The following DMRT1 variants were observed in gnomAD, a reference collection of about 807,000 sequenced individuals.
DMRT1 encodes the protein doublesex and mab-3 related transcription factor 1, also known as doublesex- and mab-3-related transcription factor 1.
DMRT1 carries 7 observed loss-of-function variants against 32.3 expected under a neutral mutation model. The observed-to-expected ratio is 0.22, with a 90% CI of 0.12 to 0.41. The LOEUF is 0.41. Among genes scored for constraint, DMRT1 ranks in the 10% least tolerant of loss-of-function variants. The pLI is 1.00. For missense variants in DMRT1, 625 were observed against 500.5 expected (o/e 1.25, Z -2.37); for synonymous variants, 278 against 206.1 (o/e 1.35, Z -2.99).
At chr9:931,729 A>AC (rs1818732937) in intron 4 of DMRT1, among the ~76,000 whole-genome samples, 1 of 152,178 alleles carries the variant, frequency 6.6e-6, no homozygotes, top group African/African-American at 2.4e-5. Context: ...TTAAAAGGAC[A>AC]CTAGTCTTAG....
chr9:843,570 T>C (rs1838783022), intron 1 of DMRT1, among the ~76,000 whole-genome samples: 1 of 152,234 alleles, frequency 6.6e-6, no homozygotes, highest in Admixed American at 6.5e-5. Flanking sequence ...GTAAGTAGGC[T>C]GGTAATTTAA....
chr9:869,634 C>T (rs1311878492), intron 2 of DMRT1, among the ~76,000 whole-genome samples: 2 of 152,162 alleles, frequency 1.3e-5, no homozygotes, highest in African/African-American at 2.4e-5. Context: ...CTCTTGTTCT[C>T]TTTGATCTTT....
In DMRT1 at chr9:914,885, A is replaced by G. The variant is rs186451724; in HGVS notation, c.823-1878A>G. On this transcript the variant is annotated intron_variant, in intron 3 of 4. Transcript: ENST00000382276. ...GACTTAGCTCTTTCTACCAAACAGCACCATAATACCCAAAGTACACTTAAG... is the reference window on the plus strand; with the variant it reads ...GACTTAGCTCTTTCTACCAAACAGCGCCATAATACCCAAAGTACACTTAAG... Among the ~76,000 whole-genome samples the G allele has an allele frequency of 1.4e-3, 211 of 152,330 alleles. 1 individual carries two copies. The highest frequency in any genetic ancestry group is 5.0e-3 in the African/African-American group (207 of 41,582).
intron 2 of DMRT1, among the ~76,000 whole-genome samples, chr9:873,703 T>A (rs1457506039): frequency 2.0e-5 from 3 of 152,150 alleles, no homozygotes; most frequent in African/African-American, 4.8e-5. Flanking sequence ...AGCTAGGCAG[T>A]GGCAAAGGTG....
Position 894,043 on chromosome 9 carries a change from A to G in DMRT1, c.670A>G (p.Asn224Asp). 4 of 1,614,230 alleles carry G rather than the reference A, an allele frequency of 2.5e-6. No individual in the cohort carries two copies. Among genetic ancestry groups the G allele is most frequent in the East Asian group, 4.5e-5 (2 of 44,888 alleles). ...GCCGTCTCTGTTTCCTTATTACAAC[A>G]ATCTATACAACTGCCCGCAGTACTC... ...YQPSLFPYYN[N>D]LYNCPQYSMA... is the part of the protein sequence containing the mutation. The change falls in exon 3 of 5, where the codon AAT becomes GAT. Residue 224 changes from asparagine (N) to aspartate (D), a missense_variant. By Grantham distance (23) the Asn-to-Asp change is conservative. Coordinates refer to ENST00000382276, the MANE Select transcript of DMRT1 (RefSeq NM_021951.3).
chr9:845,587 G>T (rs1337333144), intron 1 of DMRT1, among the ~76,000 whole-genome samples: 2 of 152,144 alleles, frequency 1.3e-5, no homozygotes, highest in African/African-American at 4.8e-5. Context: ...CCAGTCCCCA[G>T]TTCTGGCTCT....
chr9:932,407 C>T (rs1818754861), intron 4 of DMRT1, among the ~76,000 whole-genome samples: 1 of 152,188 alleles, frequency 6.6e-6, no homozygotes, highest in African/African-American at 2.4e-5. Context: ...GCAATGGTAA[C>T]TTCAGAGTGA....
At position 965,961 on chromosome 9, in the gene DMRT1, A is replaced by G. The variant is rs533775500; in HGVS notation, c.968-2024A>G. Among the ~76,000 whole-genome samples, 9 of 152,232 alleles carry G rather than the reference A, an allele frequency of 5.9e-5. No homozygotes were observed. In the South Asian group the frequency reaches 1.9e-3, roughly 32 times the overall value. ...TGTGGCATACAGGTAGTAGTCAGTA[A>G]TGTTTACTGTTCTTCTCCATAGCTT... On this transcript the variant is annotated intron_variant, in intron 4 of 4. Coordinates refer to ENST00000382276, the MANE Select transcript of DMRT1 (RefSeq NM_021951.3). The surrounding 1 kb of genome is among the most constrained non-coding windows in gnomAD (Gnocchi z 4.5).
chr9:912,061 C>T (rs747016321), intron 3 of DMRT1, among the ~76,000 whole-genome samples: 10 of 152,128 alleles, frequency 6.6e-5, no homozygotes, highest in Non-Finnish European at 1.0e-4. Context: ...GCTGGGGAGG[C>T]GTCAGGAAAC....
At chr9:870,690 A>G (rs1346608012) in intron 2 of DMRT1, among the ~76,000 whole-genome samples, 1 of 113,944 alleles carries the variant, frequency 8.8e-6, no homozygotes, top group African/African-American at 3.8e-5. Flanking sequence ...TTAGGTTCCC[A>G]TATTTCTCAT....
At chr9:947,271 T>C (rs1048705326) in intron 4 of DMRT1, among the ~76,000 whole-genome samples, 2 of 152,226 alleles carry the variant, frequency 1.3e-5, no homozygotes, top group Non-Finnish European at 2.9e-5. Flanking sequence ...GGATTTTTTT[T>C]AAAGCTCATC....
chr9:878,768 T>C (rs1296073166), intron 2 of DMRT1, among the ~76,000 whole-genome samples: 1 of 152,240 alleles, frequency 6.6e-6, no homozygotes, highest in East Asian at 1.9e-4. Context: ...CTAACATTTA[T>C]TGAGCACTCA....
At position 909,385 on chromosome 9, in the gene DMRT1, C is replaced by G. The variant is rs184300685; in HGVS notation, c.823-7378C>G. On this transcript the variant is annotated intron_variant, in intron 3 of 4. Coordinates refer to ENST00000382276, the MANE Select transcript of DMRT1 (RefSeq NM_021951.3). ...TAAGGTGTGTATTTCAGAAGGTGAA[C>G]GGGGCTTTTTGGGTGAAGCCCTTTG... is the stretch of plus-strand genomic sequence containing the variant. 1.4e-3 allele frequency among the ~76,000 whole-genome samples: 215 copies of G among 152,204 alleles called. 1 individual carries two copies. Among genetic ancestry groups the G allele is most frequent in the African/African-American group, 5.1e-3 (211 of 41,534 alleles).
Position 968,054 on chromosome 9 carries a change from A to G in DMRT1, c.1037A>G (p.Lys346Arg), listed in dbSNP as rs35846503. ...TCGAGCAGCTCTCCTATTAGTAACA[A>G]GAGCACAAAGGCAGTGCTTGAATGT... ...SLSSSSPISNKSTKAVLECEP... is the reference protein window; with the variant it reads ...SLSSSSPISNRSTKAVLECEP... The change falls in exon 5 of 5, where the codon AAG becomes AGG. Residue 346 changes from lysine to arginine, a missense_variant. Physicochemically the swap from Lys to Arg is conservative, Grantham distance 26 (BLOSUM62 2). This residue lies in a region of DMRT1 where 416 missense variants were observed against 321.6 expected (regional missense o/e 1.29). Coordinates refer to ENST00000382276, the MANE Select transcript of DMRT1 (RefSeq NM_021951.3). The G allele has an allele frequency of 3.6e-3, 5,769 of 1,614,132 alleles. 168 individuals carry two copies. The African/African-American group carries it at 0.065, about 18-fold the overall frequency.
chr9:943,276 T>G (rs1819136052), intron 4 of DMRT1, among the ~76,000 whole-genome samples: 1 of 152,214 alleles, frequency 6.6e-6, no homozygotes, highest in African/African-American at 2.4e-5. Context: ...CCATCGGCCC[T>G]TATCTCTCAA....
chr9:875,263 G>C (rs540654614), intron 2 of DMRT1, among the ~76,000 whole-genome samples: 1 of 152,056 alleles, frequency 6.6e-6, no homozygotes, highest in Non-Finnish European at 1.5e-5. Flanking sequence ...CTTGAGAATT[G>C]TGGGTGAGGC....
At chr9:967,567 G>A (rs1447849056) in intron 4 of DMRT1, among the ~76,000 whole-genome samples, 1 of 152,170 alleles carries the variant, frequency 6.6e-6, no homozygotes. Flanking sequence ...GTTACCTGTC[G>A]TGGTGGAAAT....
At position 968,420 on chromosome 9, in the gene DMRT1, AATTC is replaced by A; in HGVS notation, c.*287_*290del. On this transcript the variant is annotated 3_prime_UTR_variant, in exon 5 of 5. Coordinates refer to ENST00000382276, the MANE Select transcript of DMRT1 (RefSeq NM_021951.3). ...TCATGTAGTTTTCAAGAAATAAAAG[AATTC>A]ATTCAAGTGAAGCCATTTGTGTGCC... is the stretch of plus-strand genomic sequence containing the variant. The A allele has an allele frequency of 2.7e-6, 1 of 373,728 alleles. No individual in the cohort carries two copies. The highest frequency in any genetic ancestry group is 4.9e-6 in the Non-Finnish European group (1 of 202,328). The allele number at this position is 373,728 out of a possible 1,614,324, so 23.2% of individuals were successfully genotyped here.
intron 2 of DMRT1, among the ~76,000 whole-genome samples, chr9:855,170 G>C (rs527638908): frequency 8.5e-5 from 13 of 152,172 alleles, no homozygotes; most frequent in African/African-American, 2.9e-4. Context: ...TAATTGGTCA[G>C]ATAGAAACTT....
Sources: allele counts gnomAD v4.1 joint callset (sites outside exome capture counted in the v4.1 genomes callset), GRCh38; gene constraint gnomAD v4.1.1; regional missense constraint gnomAD v4.1.1; non-coding constraint Gnocchi (gnomAD v3.1); transcripts MANE v1.5; gene names NCBI Gene and HGNC (gene_info 2026-07-23, HGNC 2026-07-21).